Variants in CNTN5 observed in about 807,000 individuals in gnomAD.
CNTN5 encodes the protein contactin-5.
CNTN5 carries 77 observed loss-of-function variants against 129.1 expected under a neutral mutation model. That is an observed-to-expected ratio of 0.60 (90% CI 0.50 to 0.72). The LOEUF is 0.72. Among genes scored for constraint, CNTN5 ranks in the 30% least tolerant of loss-of-function variants. The pLI, the probability that CNTN5 is intolerant of heterozygous loss-of-function variation, is 0.00. For synonymous variants in CNTN5, 509 were observed against 465.6 expected (o/e 1.09, Z -1.20); for missense variants, 1,478 against 1,328.8 (o/e 1.11, Z -1.75).
chr11:100,271,075 T>G lies in CNTN5; in HGVS notation c.2165-17T>G. The G allele has an allele frequency of 3.2e-6, 5 of 1,578,428 alleles. No homozygotes were observed. The highest frequency in any genetic ancestry group is 4.3e-6 in the Non-Finnish European group (5 of 1,165,344). ...TCTAGTCCTCATAATGACATGAAAT[T>G]TCCTTCCTTTCTATAGTCCCAGAAA... On this transcript the variant is annotated splice_polypyrimidine_tract_variant and intron_variant, in intron 17 of 24. Transcript: ENST00000524871.
intron 2 of CNTN5, among the ~76,000 whole-genome samples, chr11:99,427,224 C>A (rs1395766855): frequency 6.6e-6 from 1 of 152,054 alleles, no homozygotes; most frequent in African/African-American, 2.4e-5. Context: ...TTTCATAGAA[C>A]AATTTAGATA....
intron 2 of CNTN5, among the ~76,000 whole-genome samples, chr11:99,404,209 T>A (rs12801377): frequency 0.74 from 112,851 of 151,488 alleles, 42,896 homozygotes; most frequent in African/African-American, 0.9. Flanking sequence ...GTCATGGAAT[T>A]TATTTTTTCA....
At chr11:99,445,526 A>G (rs1413940943) in intron 2 of CNTN5, among the ~76,000 whole-genome samples, 1 of 152,170 alleles carries the variant, frequency 6.6e-6, no homozygotes, top group African/African-American at 2.4e-5. Context: ...AGTGCTGGGC[A>G]TGTATGTACA....
intron 1 of CNTN5, among the ~76,000 whole-genome samples, chr11:99,156,323 A>G (rs182764001): frequency 2.0e-5 from 3 of 152,170 alleles, no homozygotes; most frequent in African/African-American, 7.2e-5. Flanking sequence ...AGTAAATCAG[A>G]AAACATCAAT....
At chr11:100,163,637 C>G (rs1947529521) in intron 13 of CNTN5, among the ~76,000 whole-genome samples, 1 of 151,846 alleles carries the variant, frequency 6.6e-6, no homozygotes, top group Non-Finnish European at 1.5e-5. Context: ...GACCTACTGC[C>G]TACCACACAC....
intron 9 of CNTN5, among the ~76,000 whole-genome samples, chr11:100,029,028 AAACTT>A (rs951377025): frequency 2.6e-4 from 40 of 152,326 alleles, no homozygotes; most frequent in African/African-American, 9.1e-4. Flanking sequence ...CAAAATTTAA[AAACTT>A]AAAGACCAAG....
chr11:99,531,438 A>T (rs1947701965), intron 2 of CNTN5, among the ~76,000 whole-genome samples: 1 of 152,184 alleles, frequency 6.6e-6, no homozygotes, highest in Admixed American at 6.5e-5. Context: ...ATAAAAACCC[A>T]TTTTCTGGGG....
At chr11:99,591,546 G>A (rs1176760366) in intron 3 of CNTN5, among the ~76,000 whole-genome samples, 1 of 151,910 alleles carries the variant, frequency 6.6e-6, no homozygotes, top group Non-Finnish European at 1.5e-5. Context: ...CACCATGTTA[G>A]TCAGGATGGT....
intron 3 of CNTN5, among the ~76,000 whole-genome samples, chr11:99,565,877 CCTA>C (rs1309568309): frequency 6.6e-6 from 1 of 152,084 alleles, no homozygotes; most frequent in Admixed American, 6.6e-5. Context: ...TCCCTTCATA[CCTA>C]TAGGTGGAAC....
intron 2 of CNTN5, among the ~76,000 whole-genome samples, chr11:99,498,671 A>G (rs760080221): frequency 6.6e-6 from 1 of 152,182 alleles, no homozygotes; most frequent in Admixed American, 6.5e-5. Context: ...CAACCATTAT[A>G]TCTCATACCT....
chr11:100,290,637 C>T, intron 18 of CNTN5, among the ~76,000 whole-genome samples: 1 of 144,638 alleles, frequency 6.9e-6, no homozygotes. Flanking sequence ...AACGTTAGAC[C>T]TAAAACCATA....
At chr11:99,958,611 T>C (rs536188777) in intron 8 of CNTN5, among the ~76,000 whole-genome samples, 1 of 152,270 alleles carries the variant, frequency 6.6e-6, no homozygotes, top group East Asian at 1.9e-4. Flanking sequence ...ATAATGTGTA[T>C]ATATTATGCC....
At chr11:99,598,561 G>T (rs1950217410) in intron 3 of CNTN5, among the ~76,000 whole-genome samples, 1 of 150,604 alleles carries the variant, frequency 6.6e-6, no homozygotes, top group Non-Finnish European at 1.5e-5. Context: ...TCTTAAGGGA[G>T]ATTTTTGAAG....
At chr11:99,456,722 C>A (rs901329356) in intron 2 of CNTN5, among the ~76,000 whole-genome samples, 1 of 152,008 alleles carries the variant, frequency 6.6e-6, no homozygotes, top group South Asian at 2.1e-4. Context: ...ACAACGACAA[C>A]AACAGAAAGC....
chr11:100,285,447 C>T (rs796130533), intron 18 of CNTN5, among the ~76,000 whole-genome samples: 1 of 152,180 alleles, frequency 6.6e-6, no homozygotes, highest in South Asian at 2.1e-4. Flanking sequence ...AGCATGCATG[C>T]CTTCTAAATC....
At chr11:99,453,500 C>G (rs886981706) in intron 2 of CNTN5, among the ~76,000 whole-genome samples, 3 of 152,064 alleles carry the variant, frequency 2.0e-5, no homozygotes, top group Non-Finnish European at 2.9e-5. Context: ...TGTCTAACAG[C>G]TTTTGTAAAT....
intron 15 of CNTN5, among the ~76,000 whole-genome samples, chr11:100,199,662 C>G (rs1409970891): frequency 6.6e-6 from 1 of 151,846 alleles, no homozygotes; most frequent in Non-Finnish European, 1.5e-5. Flanking sequence ...CACTCACTGT[C>G]TTCTCAAAGT....
intron 2 of CNTN5, among the ~76,000 whole-genome samples, chr11:99,457,574 T>C (rs1395204828): frequency 6.6e-6 from 1 of 151,838 alleles, no homozygotes; most frequent in Non-Finnish European, 1.5e-5. Flanking sequence ...ATTTTGTGGA[T>C]GAGACAAAAA....
chr11:99,766,092 C>T (rs1287792257), intron 3 of CNTN5, among the ~76,000 whole-genome samples: 1 of 151,908 alleles, frequency 6.6e-6, no homozygotes, highest in African/African-American at 2.4e-5. Context: ...TTCCTACTGA[C>T]ACAATATTAT....
Sources: allele counts gnomAD v4.1 joint callset (sites outside exome capture counted in the v4.1 genomes callset), GRCh38; gene constraint gnomAD v4.1.1; transcripts MANE v1.5; gene names NCBI Gene and HGNC (gene_info 2026-07-23, HGNC 2026-07-21).